TTC23: variants seen among roughly 807,000 people sequenced by gnomAD.
TTC23 encodes the protein tetratricopeptide repeat protein 23.
TTC23 carries 58 observed loss-of-function variants against 55.1 expected under a neutral mutation model. The observed-to-expected ratio is 1.05, with a 90% CI of 0.85 to 1.31. TTC23 has a LOEUF of 1.31. Among genes scored for constraint, TTC23 ranks in the 50% most tolerant of loss-of-function variants. TTC23 has a pLI of 0.00. For synonymous variants in TTC23, 203 were observed against 199.9 expected (o/e 1.02, Z -0.13); for missense variants, 516 against 534.4 (o/e 0.97, Z 0.34).
At chr15:99,221,601 T>C in intron 6 of TTC23, 140 bp downstream of exon 6, 2 of 1,110,062 alleles carry the variant, frequency 1.8e-6, no homozygotes, top group Non-Finnish European at 2.5e-6. Context: ...TTATCAACTC[T>C]TTCTAAAAAG....
intron 9 of TTC23, among the ~76,000 whole-genome samples, chr15:99,181,996 G>A (rs776949911): frequency 3.9e-5 from 6 of 152,000 alleles, no homozygotes; most frequent in Non-Finnish European, 7.4e-5. Flanking sequence ...GATACCTCAA[G>A]GGCTTATATT....
rs1031101748 is a variant in TTC23, at chr15:99,174,248, T to C, written c.865+802A>G. ...GGATCTTTTCAGACCAGGCTGCTCA[T>C]TGAAGCTTTCCCTTCACCTTCTCCC... is the stretch of plus-strand genomic sequence containing the variant. On this transcript the variant is annotated intron_variant, in intron 10 of 13. Transcript: ENST00000394132. Among the ~76,000 whole-genome samples, 3 of 152,222 alleles carry C rather than the reference T, an allele frequency of 2.0e-5. No homozygotes were observed. In the East Asian group the frequency reaches 5.8e-4, roughly 29 times the overall value.
chr15:99,140,535 A>C (rs1354090353), intron 12 of TTC23: 1 of 152,070 alleles, frequency 6.6e-6, no homozygotes, highest in Non-Finnish European at 1.5e-5. Flanking sequence ...ACACTCAGCT[A>C]ATTTTTGCAT....
At chr15:99,234,484 C>A (rs2079157599) in intron 4 of TTC23, among the ~76,000 whole-genome samples, 1 of 152,212 alleles carries the variant, frequency 6.6e-6, no homozygotes, top group Non-Finnish European at 1.5e-5. Flanking sequence ...CATTGTCCTG[C>A]CTCAGCCTCC....
At chr15:99,238,612 T>C (rs2079518517) in intron 3 of TTC23, among the ~76,000 whole-genome samples, 1 of 152,212 alleles carries the variant, frequency 6.6e-6, no homozygotes, top group African/African-American at 2.4e-5. Context: ...GGCTAACTGC[T>C]GGTGGTTCAA....
At chr15:99,155,955 T>C (rs1468352890) in intron 12 of TTC23, 193 bp downstream of exon 12, 1 of 626,920 alleles carries the variant, frequency 1.6e-6, no homozygotes. Flanking sequence ...TTAAAAAATA[T>C]GTATGTCTAA....
At chr15:99,223,306 G>A (rs1337117959) in intron 5 of TTC23, among the ~76,000 whole-genome samples, 2 of 152,134 alleles carry the variant, frequency 1.3e-5, no homozygotes, top group African/African-American at 4.8e-5. Flanking sequence ...AACTGTTTTT[G>A]AAGATGAGGT....
chr15:99,172,779 G>A (rs569178018), intron 10 of TTC23, among the ~76,000 whole-genome samples: 1 of 152,260 alleles, frequency 6.6e-6, no homozygotes, highest in African/African-American at 2.4e-5. Flanking sequence ...ACTGTGTGAG[G>A]TCATTTAATT....
At chr15:99,228,754 A>G (rs747515152) in intron 4 of TTC23, 22 bp from the exon 5 acceptor site, 1 of 1,474,814 alleles carries the variant, frequency 6.8e-7, no homozygotes, top group East Asian at 2.3e-5. Flanking sequence ...ATAAAAAACA[A>G]AGATGTTAAA....
chr15:99,182,987 T>A (rs1469950442), intron 9 of TTC23, among the ~76,000 whole-genome samples: 2 of 152,184 alleles, frequency 1.3e-5, no homozygotes, highest in East Asian at 3.8e-4. Context: ...TGCTATAAGA[T>A]ACCAGAGAAT....
chr15:99,187,137 G>A (rs2074743698), intron 9 of TTC23, among the ~76,000 whole-genome samples: 1 of 151,940 alleles, frequency 6.6e-6, no homozygotes, highest in Non-Finnish European at 1.5e-5. Flanking sequence ...ACAGAATTGA[G>A]AATCTAGAAA....
chr15:99,181,407 A>C (rs2074100871), intron 9 of TTC23, among the ~76,000 whole-genome samples: 2 of 152,194 alleles, frequency 1.3e-5, no homozygotes, highest in Admixed American at 1.3e-4. Context: ...AGGAGAGAAA[A>C]GCGGCAGATG....
At chr15:99,197,376 A>C (rs2075829390) in intron 9 of TTC23, among the ~76,000 whole-genome samples, 1 of 151,972 alleles carries the variant, frequency 6.6e-6, no homozygotes, top group Non-Finnish European at 1.5e-5. Flanking sequence ...TGCTGGGATT[A>C]CAGGTGTGAG....
rs1300020982 is a variant in TTC23, at chr15:99,136,674, A to C, written c.*1336T>G. On this transcript the variant is annotated 3_prime_UTR_variant, in exon 14 of 14. Coordinates refer to ENST00000394132, the MANE Select transcript of TTC23 (RefSeq NM_001288615.3). ...CCATCCCTTTGGGGATTAGGGCTTC[A>C]ACGTGAATTGGGAGCATATGAACAT... The C allele has an allele frequency of 6.6e-5, 10 of 152,326 alleles. No homozygotes were observed. The highest frequency in any genetic ancestry group is 2.4e-4 in the African/African-American group (10 of 41,454). 9.4% of individuals were successfully genotyped at this position (152,326 alleles called of 1,614,324 possible). A position where few individuals can be genotyped will look rare whatever the true frequency, so the allele number is the denominator to read the frequency against.
intron 9 of TTC23, among the ~76,000 whole-genome samples, chr15:99,187,466 A>AAAGAAAG (rs2074811093): frequency 6.9e-6 from 1 of 145,530 alleles, no homozygotes; most frequent in Non-Finnish European, 1.5e-5. Context: ...AAAAAAAAAA[A>AAAGAAAG]AACAAAACAA....
At chr15:99,154,945 G>A (rs782172359) in intron 12 of TTC23, among the ~76,000 whole-genome samples, 12 of 152,156 alleles carry the variant, frequency 7.9e-5, no homozygotes, top group Admixed American at 2.6e-4. Flanking sequence ...TATATTGGAG[G>A]TATAAGTCAA....
Position 99,175,092 on chromosome 15 carries a change from C to T in TTC23, c.823G>A (p.Val275Ile), listed in dbSNP as rs753635041. The T allele has an allele frequency of 4.0e-5, 64 of 1,614,020 alleles. No homozygotes were observed. Among genetic ancestry groups the T allele is most frequent in the African/African-American group, 5.3e-5 (4 of 74,912 alleles). ...CCTGAAGCGACAGCAGCATGGGCGA[C>T]GATGTGTGCCGAGTCTGCTGCCTCC... ...QVEAADSAHI[V>I]AHAAVASGRH... is the part of the protein sequence containing the mutation. Residue 275 changes from valine (V) to isoleucine (I), a missense_variant, in exon 10 of 14, where the codon GTC becomes ATC. By Grantham distance (29) the Val-to-Ile change is conservative. Coordinates refer to ENST00000394132, the MANE Select transcript of TTC23 (RefSeq NM_001288615.3).
intron 12 of TTC23, among the ~76,000 whole-genome samples, chr15:99,149,227 GT>G (rs1555495667): frequency 6.6e-6 from 1 of 152,222 alleles, no homozygotes; most frequent in East Asian, 1.9e-4. Context: ...CAGTCAGCCT[GT>G]CCTCACATAG....
At chr15:99,190,377 A>T (rs979247663) in intron 9 of TTC23, among the ~76,000 whole-genome samples, 1 of 151,048 alleles carries the variant, frequency 6.6e-6, no homozygotes, top group Non-Finnish European at 1.5e-5. Context: ...GGTTCAAGCG[A>T]TTCTCCTGCC....
Sources: gnomAD v4.1 joint callset for allele counts (sites outside exome capture counted in the v4.1 genomes callset) on GRCh38, gnomAD v4.1.1 for gene constraint, MANE v1.5 for transcripts, NCBI Gene and HGNC (gene_info 2026-07-23, HGNC 2026-07-21) for gene names.